TENM3: variants seen among roughly 807,000 people sequenced by gnomAD.
The protein encoded by TENM3 is teneurin transmembrane protein 3.
TENM3 carries 63 observed loss-of-function variants against 255.1 expected under a neutral mutation model. The observed-to-expected ratio is 0.25, with a 90% CI of 0.20 to 0.30. TENM3 has a LOEUF of 0.30. Among genes scored for constraint, TENM3 ranks in the 10% least tolerant of loss-of-function variants. The probability of loss-of-function intolerance (pLI) is 1.00; values close to 1 mark genes in which losing one functional copy is unlikely to be tolerated. For synonymous variants in TENM3, 1,306 were observed against 1,322.3 expected (o/e 0.99, Z 0.27); for missense variants, 2,929 against 3,461.1 (o/e 0.85, Z 3.86).
intron 3 of TENM3, among the ~76,000 whole-genome samples, chr4:182,598,671 C>T (rs918962545): frequency 1.3e-5 from 2 of 152,142 alleles, no homozygotes; most frequent in Non-Finnish European, 2.9e-5. Flanking sequence ...CCGTGACTGA[C>T]GTAGCAGATT....
At chr4:181,767,079 C>T in the TENM3 span, among the ~76,000 whole-genome samples, 42 of 129,156 alleles carry the variant, frequency 3.3e-4, no homozygotes, top group Non-Finnish European at 5.4e-4. Context: ...GGGGAAATCC[C>T]GTCTCTACTA....
At chr4:181,462,809 T>A in the TENM3 span, among the ~76,000 whole-genome samples, 7 of 152,342 alleles carry the variant, frequency 4.6e-5, no homozygotes, top group African/African-American at 1.4e-4. Context: ...ATGATGACAC[T>A]GATTTTCCAT....
the TENM3 span, among the ~76,000 whole-genome samples, chr4:181,657,977 G>A: frequency 2.6e-5 from 4 of 152,082 alleles, no homozygotes; most frequent in South Asian, 4.2e-4. Context: ...CAGACACTGC[G>A]GACTCTAAAA....
chr4:181,501,570 G>A, the TENM3 span, among the ~76,000 whole-genome samples: 6 of 151,922 alleles, frequency 3.9e-5, no homozygotes, highest in African/African-American at 1.5e-4. Context: ...AGTAGAGGCG[G>A]GGTTTCACTA....
the TENM3 span, among the ~76,000 whole-genome samples, chr4:182,133,480 A>C: frequency 1.3e-5 from 2 of 152,328 alleles, no homozygotes; most frequent in Middle Eastern, 6.8e-3. Context: ...TCTGATAATA[A>C]ATAGAACTAA....
chr4:181,933,520 A>T, the TENM3 span, among the ~76,000 whole-genome samples: 1 of 152,146 alleles, frequency 6.6e-6, no homozygotes, highest in Non-Finnish European at 1.5e-5. Flanking sequence ...CCAGCACCAT[A>T]TTATATTCAG....
At chr4:181,709,035 C>T in the TENM3 span, among the ~76,000 whole-genome samples, 1 of 152,120 alleles carries the variant, frequency 6.6e-6, no homozygotes, top group Non-Finnish European at 1.5e-5. Flanking sequence ...TTTATAAAAA[C>T]CACTAAGTCT....
At chr4:182,694,724 A>T (rs1054283131) in intron 12 of TENM3, among the ~76,000 whole-genome samples, 1 of 152,212 alleles carries the variant, frequency 6.6e-6, no homozygotes, top group Non-Finnish European at 1.5e-5. Flanking sequence ...GTTAAACACC[A>T]GGGCTGCCCT....
chr4:182,515,410 TTAAAA>T (rs1388080182), intron 3 of TENM3, among the ~76,000 whole-genome samples: 2 of 152,150 alleles, frequency 1.3e-5, no homozygotes, highest in Non-Finnish European at 2.9e-5. Context: ...GTAGGAACAA[TTAAAA>T]TAAGATTACA....
chr4:181,518,926 A>T, the TENM3 span, among the ~76,000 whole-genome samples: 2 of 152,216 alleles, frequency 1.3e-5, no homozygotes, highest in African/African-American at 2.4e-5. Flanking sequence ...GTAGTACAAT[A>T]TGGACAGTGA....
the TENM3 span, among the ~76,000 whole-genome samples, chr4:182,093,235 A>G: frequency 1.3e-5 from 2 of 152,288 alleles, no homozygotes; most frequent in East Asian, 3.9e-4. Context: ...TTTGGGAGCA[A>G]TGGGATCTCA....
chr4:182,284,813 G>A (rs1760628088), intron 1 of TENM3, among the ~76,000 whole-genome samples: 1 of 152,156 alleles, frequency 6.6e-6, no homozygotes, highest in African/African-American at 2.4e-5. Context: ...CAGTGGTGGC[G>A]GCGATAGAGG....
At chr4:182,784,802 G>A (rs1335374678) in intron 24 of TENM3, among the ~76,000 whole-genome samples, 1 of 152,154 alleles carries the variant, frequency 6.6e-6, no homozygotes, top group Non-Finnish European at 1.5e-5. Flanking sequence ...ATTCGGGTGG[G>A]AGTGACCCGA....
the TENM3 span, among the ~76,000 whole-genome samples, chr4:181,992,791 T>G: frequency 6.6e-6 from 1 of 152,204 alleles, no homozygotes; most frequent in Admixed American, 6.5e-5. Flanking sequence ...CACACAAAAA[T>G]AATGGGAGAA....
At chr4:182,561,368 T>C (rs182027128) in intron 3 of TENM3, among the ~76,000 whole-genome samples, 4 of 151,814 alleles carry the variant, frequency 2.6e-5, no homozygotes, top group African/African-American at 7.2e-5. Context: ...CATAGGAAAA[T>C]GCTCATGTTA....
the TENM3 span, among the ~76,000 whole-genome samples, chr4:181,887,804 G>GA: frequency 6.6e-6 from 1 of 152,112 alleles, no homozygotes; most frequent in African/African-American, 2.4e-5. Flanking sequence ...CTTTACAATA[G>GA]AAAAATCTTG....
At chr4:181,998,919 C>T in the TENM3 span, among the ~76,000 whole-genome samples, 1,129 of 152,260 alleles carry the variant, frequency 7.4e-3, 14 homozygotes, top group African/African-American at 0.025. Context: ...GACATTTAAC[C>T]TCTCTGAACT....
At chr4:182,055,370 A>AATAAATAAATAG in the TENM3 span, among the ~76,000 whole-genome samples, 1 of 151,852 alleles carries the variant, frequency 6.6e-6, no homozygotes, top group Admixed American at 6.6e-5. Context: ...TAAATAAATA[A>AATAAATAAATAG]ATAAATAGAC....
At chr4:182,564,616 A>G (rs1470363497) in intron 3 of TENM3, among the ~76,000 whole-genome samples, 6 of 149,056 alleles carry the variant, frequency 4.0e-5, no homozygotes, top group Admixed American at 2.7e-4. Context: ...CCCTGAGACC[A>G]CCACAGTTCT....
Sources: allele counts gnomAD v4.1 joint callset (sites outside exome capture counted in the v4.1 genomes callset), GRCh38; gene constraint gnomAD v4.1.1; transcripts MANE v1.5; gene names NCBI Gene and HGNC (gene_info 2026-07-23, HGNC 2026-07-21).